The following SMARCAD1 variants were observed in gnomAD, a reference collection of about 807,000 sequenced individuals.
SMARCAD1 encodes the protein SNF2 related chromatin remodeling ATPase with DExD box 1, also known as SWI/SNF-related matrix-associated actin-dependent regulator of chromatin subfamily A containing DEAD/H box 1.
In SMARCAD1, 25 loss-of-function variants were observed where a neutral mutation model predicts 127.1. That is an observed-to-expected ratio of 0.20 (90% CI 0.14 to 0.27). The LOEUF (loss-of-function observed/expected upper bound fraction) is 0.27. SMARCAD1 is among the 10% of genes least tolerant of loss of function. The pLI is 1.00. For synonymous variants in SMARCAD1, 400 were observed against 396.9 expected, an observed-to-expected ratio of 1.01 and a Z score of -0.09; for missense variants, 807 against 1,206.0, an observed-to-expected ratio of 0.67 and a Z score of 4.90.
chr4:94,278,572 C>G, intron 17 of SMARCAD1, 44 bp from the exon 18 acceptor site: 1 of 1,610,860 alleles, frequency 6.2e-7, no homozygotes, highest in Non-Finnish European at 8.5e-7. Flanking sequence ...TTAGGTTTTT[C>G]TCTTTACTAG....
In SMARCAD1 at chr4:94,249,610, T is replaced by C. The variant is rs74750833; in HGVS notation, c.706-44T>C. On this transcript the variant is annotated intron_variant, in intron 6 of 23. Coordinates refer to ENST00000354268, the MANE Select transcript of SMARCAD1 (RefSeq NM_020159.5). ...GATAATTGCCTTAAGACCATTGTTA[T>C]TGATATCTCTTAAATTGTTTTCTTT... 4,164 of 1,007,834 alleles carry C rather than the reference T, an allele frequency of 4.1e-3. 33 individuals carry two copies. In the Middle Eastern group the frequency reaches 0.046, roughly 11 times the overall value. 62.4% of individuals were successfully genotyped at this position (1,007,834 alleles called of 1,614,324 possible).
chr4:94,237,762 T>C (rs1057157049), intron 5 of SMARCAD1, among the ~76,000 whole-genome samples: 1 of 152,128 alleles, frequency 6.6e-6, no homozygotes, highest in Non-Finnish European at 1.5e-5. Context: ...CCCACAGGAT[T>C]AGTTTAACTG....
chr4:94,250,426 G>A (rs1476995553), intron 7 of SMARCAD1, among the ~76,000 whole-genome samples: 2 of 152,046 alleles, frequency 1.3e-5, no homozygotes, highest in Non-Finnish European at 2.9e-5. Flanking sequence ...TTTGAAGTTA[G>A]CAGTTTGTAA....
intron 19 of SMARCAD1, 64 bp downstream of exon 19, chr4:94,279,114 AT>A: frequency 6.2e-7 from 1 of 1,604,658 alleles, no homozygotes; most frequent in Non-Finnish European, 8.5e-7. Context: ...AGGCTATAAG[AT>A]TGGTGAACCC....
At chr4:94,265,376 C>T (rs914584151) in intron 10 of SMARCAD1, among the ~76,000 whole-genome samples, 3 of 137,822 alleles carry the variant, frequency 2.2e-5, no homozygotes, top group African/African-American at 7.6e-5. Context: ...ATAAGGCCAG[C>T]TTTTTAAATC....
intron 14 of SMARCAD1, among the ~76,000 whole-genome samples, chr4:94,275,318 A>AATGCAG (rs1312775171): frequency 6.6e-6 from 1 of 152,186 alleles, no homozygotes; most frequent in African/African-American, 2.4e-5. Flanking sequence ...TAATAAATAC[A>AATGCAG]ATGAAATTTC....
chr4:94,267,298 G>A (rs1163862062), intron 10 of SMARCAD1, among the ~76,000 whole-genome samples: 1 of 152,108 alleles, frequency 6.6e-6, no homozygotes, highest in African/African-American at 2.4e-5. Flanking sequence ...GTAGTAGGAT[G>A]TAAATGTTTA....
intron 9 of SMARCAD1, among the ~76,000 whole-genome samples, chr4:94,254,979 TA>T (rs1323231838): frequency 6.6e-6 from 1 of 152,076 alleles, no homozygotes; most frequent in Non-Finnish European, 1.5e-5. Context: ...ATATTATGCA[TA>T]TTTTTTAGTT....
At chr4:94,241,946 A>G (rs1747642669) in intron 6 of SMARCAD1, among the ~76,000 whole-genome samples, 1 of 151,960 alleles carries the variant, frequency 6.6e-6, no homozygotes, top group Non-Finnish European at 1.5e-5. Flanking sequence ...ATCTTTAAAA[A>G]TTTTCTCTGC....
intron 2 of SMARCAD1, among the ~76,000 whole-genome samples, chr4:94,219,407 A>G (rs555263242): frequency 2.6e-4 from 39 of 152,230 alleles, no homozygotes; most frequent in African/African-American, 8.7e-4. Flanking sequence ...ATGAGCCTTA[A>G]TCTCCTACTA....
intron 9 of SMARCAD1, among the ~76,000 whole-genome samples, chr4:94,255,131 G>T (rs955298295): frequency 6.6e-6 from 1 of 151,990 alleles, no homozygotes; most frequent in African/African-American, 2.4e-5. Flanking sequence ...TTGAGAATTA[G>T]TTGAGGTTTT....
chr4:94,280,472 AC>A, intron 19 of SMARCAD1, 119 bp from the exon 20 acceptor site: 1 of 868,234 alleles, frequency 1.2e-6, no homozygotes, highest in Non-Finnish European at 1.8e-6. Flanking sequence ...TAAGTCTGTT[AC>A]ACTAAAAGGT....
Position 94,252,756 on chromosome 4 carries a change from C to T in SMARCAD1, c.1030C>T (p.Arg344Cys), listed in dbSNP as rs749176913. Residue 344 changes from arginine to cysteine, a missense_variant, in exon 9 of 24, where the codon CGT becomes TGT. Physicochemically the swap from Arg to Cys is radical, Grantham distance 180. This residue lies in a region of SMARCAD1 where 257 missense variants were observed against 303.4 expected (regional missense o/e 0.85). Coordinates refer to ENST00000354268, the MANE Select transcript of SMARCAD1 (RefSeq NM_020159.5). Reference sequence around the variant, plus strand: ...AGCACAAAATGGCTTTAACAAGAAACGTAAAAAAAATGTTTTTAATCCAAA... The same window carrying T: ...AGCACAAAATGGCTTTAACAAGAAATGTAAAAAAAATGTTTTTAATCCAAA... ...MKAQNGFNKKRKKNVFNPKRV... is the reference protein window; with the variant it reads ...MKAQNGFNKKCKKNVFNPKRV... 27 of 1,608,536 alleles carry T rather than the reference C, an allele frequency of 1.7e-5. No homozygotes were observed. The highest frequency in any genetic ancestry group is 6.8e-5 in the Admixed American group (4 of 59,076).
At chr4:94,255,332 C>T (rs998941830) in intron 9 of SMARCAD1, among the ~76,000 whole-genome samples, 10 of 151,786 alleles carry the variant, frequency 6.6e-5, no homozygotes, top group Admixed American at 2.6e-4. Context: ...TACTTGAGCC[C>T]GTGAATAAAG....
At chr4:94,241,120 C>A in intron 6 of SMARCAD1, 114 bp downstream of exon 6, 1 of 724,458 alleles carries the variant, frequency 1.4e-6, no homozygotes. Flanking sequence ...CTTTCTATCA[C>A]AACTAAGGGA....
chr4:94,281,691 A>G, intron 21 of SMARCAD1, 101 bp downstream of exon 21: 2 of 810,320 alleles, frequency 2.5e-6, no homozygotes, highest in East Asian at 5.3e-5. Flanking sequence ...TGTTGTTTTT[A>G]TGTTTGATTA....
chr4:94,231,293 G>C (rs1032055810), intron 3 of SMARCAD1, among the ~76,000 whole-genome samples: 2 of 152,180 alleles, frequency 1.3e-5, no homozygotes, highest in Admixed American at 6.5e-5. Context: ...AGAGAGAAAA[G>C]ATTCAGGAGA....
intron 21 of SMARCAD1, among the ~76,000 whole-genome samples, 172 bp from the exon 22 acceptor site, chr4:94,282,949 T>A (rs1441516933): frequency 6.6e-6 from 1 of 152,024 alleles, no homozygotes; most frequent in African/African-American, 2.4e-5. Flanking sequence ...AGAAAAGAAG[T>A]TGGGGAATTG....
chr4:94,208,357 A>G lies in SMARCAD1; in HGVS notation c.-38A>G. The G allele has an allele frequency of 6.2e-7, 1 of 1,604,218 alleles. No individual in the cohort carries two copies. The highest frequency in any genetic ancestry group is 1.1e-5 in the South Asian group (1 of 90,832). ...TTTTTCCCCTGCAGATAGTTCATTTAAAGCCCCCATCCCTGCAAGGTGGTG... is the reference window on the plus strand; with the variant it reads ...TTTTTCCCCTGCAGATAGTTCATTTGAAGCCCCCATCCCTGCAAGGTGGTG... On this transcript the variant is annotated 5_prime_UTR_variant, in exon 2 of 24. Coordinates refer to ENST00000354268, the MANE Select transcript of SMARCAD1 (RefSeq NM_020159.5).
Sources: gnomAD v4.1 joint callset for allele counts (sites outside exome capture counted in the v4.1 genomes callset) on GRCh38, gnomAD v4.1.1 for gene constraint, gnomAD v4.1.1 regional missense constraint, MANE v1.5 for transcripts, NCBI Gene and HGNC (gene_info 2026-07-23, HGNC 2026-07-21) for gene names.